The following PADI4 variants were observed in gnomAD, a reference collection of about 807,000 sequenced individuals.
PADI4 encodes peptidyl arginine deiminase 4, also known as protein-arginine deiminase type-4.
PADI4 carries 62 observed loss-of-function variants against 75.0 expected under a neutral mutation model. That is an observed-to-expected ratio of 0.83 (90% CI 0.67 to 1.02). The LOEUF (loss-of-function observed/expected upper bound fraction) is 1.02, where lower values mean the gene tolerates loss of function less well. Among genes scored for constraint, PADI4 ranks in the 50% least tolerant of loss-of-function variants. PADI4 has a pLI of 0.00. For synonymous variants in PADI4, 361 were observed against 348.1 expected, an observed-to-expected ratio of 1.04 and a Z score of -0.41; for missense variants, 845 against 850.5, an observed-to-expected ratio of 0.99 and a Z score of 0.08.
chr1:17,352,038 GGA>G (rs2074654498), intron 10 of PADI4, among the ~76,000 whole-genome samples: 8 of 54,758 alleles, frequency 1.5e-4, no homozygotes, highest in African/African-American at 2.9e-4. Context: ...GGTGATGGGA[GGA>G]GAGGCAGTCA....
At position 17,363,853 on chromosome 1, in the gene PADI4, G is replaced by C. The variant is rs1322062068; in HGVS notation, c.*98G>C. ...CTCTTGTGAATATTGTGGCTCCCTG[G>C]GGGCGGCCAGCCCTCCCAGCAGTGG... On this transcript the variant is annotated 3_prime_UTR_variant, in exon 16 of 16. Transcript: ENST00000375448. 8.7e-6 allele frequency: 7 copies of C among 800,832 alleles called. No homozygotes were observed. In the East Asian group the frequency reaches 1.3e-4, roughly 15 times the overall value. 49.6% of individuals were successfully genotyped at this position (800,832 alleles called of 1,614,324 possible). A position where few individuals can be genotyped will look rare whatever the true frequency, so the allele number is the denominator to read the frequency against.
At chr1:17,325,590 GT>G (rs1220069234) in intron 1 of PADI4, among the ~76,000 whole-genome samples, 2 of 151,934 alleles carry the variant, frequency 1.3e-5, no homozygotes, top group Middle Eastern at 6.8e-3. Context: ...AATATTGGCA[GT>G]TTTTTTCTTA....
chr1:17,318,510 A>T (rs1310192130), intron 1 of PADI4, among the ~76,000 whole-genome samples: 2 of 152,196 alleles, frequency 1.3e-5, no homozygotes, highest in African/African-American at 4.8e-5. Context: ...ACTGAGGATG[A>T]CAGAAATTCT....
intron 1 of PADI4, among the ~76,000 whole-genome samples, chr1:17,315,916 AC>A (rs1417500758): frequency 1.3e-5 from 2 of 151,760 alleles, no homozygotes; most frequent in African/African-American, 4.9e-5. Flanking sequence ...CCAGGGCTAC[AC>A]CTGTCACTTG....
intron 13 of PADI4, among the ~76,000 whole-genome samples, chr1:17,358,162 C>T (rs1198169653): frequency 1.3e-5 from 2 of 151,602 alleles, no homozygotes; most frequent in East Asian, 1.9e-4. Context: ...GCAGGAGAAT[C>T]GCTTGAACTC....
chr1:17,336,028 G>A (rs2074302489), intron 3 of PADI4, 131 bp from the exon 4 acceptor site: 2 of 654,170 alleles, frequency 3.1e-6, no homozygotes, highest in Admixed American at 2.4e-5. Context: ...CTCCTCTGAA[G>A]GACGGGAAGA....
intron 1 of PADI4, among the ~76,000 whole-genome samples, chr1:17,329,347 T>C (rs370112118): frequency 1.5e-4 from 22 of 150,748 alleles, no homozygotes; most frequent in African/African-American, 5.1e-4. Context: ...AAATAGTAAA[T>C]CTTGTATAAC....
intron 8 of PADI4, among the ~76,000 whole-genome samples, chr1:17,343,214 AAATT>A (rs2074455033): frequency 6.6e-6 from 1 of 151,888 alleles, no homozygotes; most frequent in South Asian, 2.1e-4. Flanking sequence ...TAAAAATTAA[AAATT>A]AAATTAAATT....
At position 17,341,958 on chromosome 1, in the gene PADI4, C is replaced by T; in HGVS notation, c.668C>T (p.Ser223Phe). The T allele has an allele frequency of 6.2e-7, 1 of 1,613,774 alleles. No individual in the cohort carries two copies. The highest frequency in any genetic ancestry group is 8.5e-7 in the Non-Finnish European group (1 of 1,179,798). The change falls in exon 7 of 16, where the codon TCC (serine) becomes TTC (phenylalanine). Residue 223 changes from serine to phenylalanine, a missense_variant. Ser to Phe is a radical substitution (Grantham distance 155). Transcript: ENST00000375448. ...VFQATRGKLS[S>F]KCSVVLGPKW... ...TCTCTCCTAGGGGGCAAACTGTCCT[C>T]CAAGTGCAGCGTAGTCTTGGGTCCC...
At position 17,356,727 on chromosome 1, in the gene PADI4, G is replaced by C. The variant is rs942211811; in HGVS notation, c.1558+268G>C. The stretch of plus-strand genomic sequence containing the variant: ...TCTGAGTGGATGGAGCTCAGGGAAG[G>C]CTTCTTGGAGGAGGCAGAGGCCAAG... On this transcript the variant is annotated intron_variant, in intron 13 of 15. Transcript: ENST00000375448. This position sits in a 1 kb window ranked among gnomAD's most constrained non-coding sequence, Gnocchi z 4.1. 6.6e-6 allele frequency among the ~76,000 whole-genome samples: 1 copy of C among 152,090 alleles called. No homozygotes were observed. The highest frequency in any genetic ancestry group is 6.5e-5 in the Admixed American group (1 of 15,274).
intron 6 of PADI4, 76 bp downstream of exon 6, chr1:17,339,889 A>T (rs887997710): frequency 6.8e-7 from 1 of 1,469,170 alleles, no homozygotes; most frequent in African/African-American, 1.4e-5. Context: ...TGTGTGGCAG[A>T]TAAATCCTGA....
At chr1:17,315,401 C>T (rs1239122550) in intron 1 of PADI4, among the ~76,000 whole-genome samples, 1 of 152,166 alleles carries the variant, frequency 6.6e-6, no homozygotes, top group African/African-American at 2.4e-5. Context: ...CTCTTTGCAT[C>T]CCCTATAATG....
chr1:17,351,951 GTGGGAGGAGAGGCGGC>G lies in PADI4; in HGVS notation c.1156-2581_1156-2566del, dbSNP rs1557575965. Among the ~76,000 whole-genome samples, 235 of 130,744 alleles carry G rather than the reference GTGGGAGGAGAGGCGGC, an allele frequency of 1.8e-3. 5 individuals carry two copies. The highest frequency in any genetic ancestry group is 6.4e-3 in the African/African-American group (215 of 33,728). The allele number at this position is 130,744 out of a possible 152,430, so 85.8% of individuals were successfully genotyped here. Reference sequence around the variant, plus strand: ...GAGGCGGTCAGGGAGGTGATGGGAGGTGGGAGGAGAGGCGGCCAGGGAGGTGATGGGAGGAGAGGCA... The same window carrying G: ...GAGGCGGTCAGGGAGGTGATGGGAGGCAGGGAGGTGATGGGAGGAGAGGCA... On this transcript the variant is annotated intron_variant, in intron 10 of 15. Coordinates refer to ENST00000375448, the MANE Select transcript of PADI4 (RefSeq NM_012387.3).
chr1:17,324,113 T>C (rs2074078861), intron 1 of PADI4, among the ~76,000 whole-genome samples: 2 of 150,754 alleles, frequency 1.3e-5, no homozygotes, highest in Admixed American at 1.3e-4. Flanking sequence ...GTCAAATTGC[T>C]GGGTTTGGGG....
At chr1:17,348,193 G>T in intron 10 of PADI4, 145 bp downstream of exon 10, 1 of 542,618 alleles carries the variant, frequency 1.8e-6, no homozygotes, top group East Asian at 3.0e-5. Context: ...GTGGGAGCAT[G>T]TAGGTGGGGC....
intron 10 of PADI4, among the ~76,000 whole-genome samples, chr1:17,349,731 A>AAAG (rs2074587666): frequency 2.4e-5 from 2 of 82,610 alleles, no homozygotes; most frequent in Non-Finnish European, 6.1e-5. Flanking sequence ...AGAAAAAGAA[A>AAAG]AAACAACAAC....
chr1:17,329,173 T>G (rs1957881), intron 1 of PADI4, among the ~76,000 whole-genome samples: 8 of 150,886 alleles, frequency 5.3e-5, no homozygotes, highest in Middle Eastern at 3.5e-3. Flanking sequence ...AATAACATTG[T>G]GGATAGGACT....
rs35381732 is a variant in PADI4, at chr1:17,308,245, G to A, written c.23G>A (p.Arg8His). The change falls in exon 1 of 16, where the codon CGT becomes CAT. Residue 8 changes from arginine (R) to histidine (H), a missense_variant. Arg to His is a conservative substitution (Grantham distance 29). Coordinates refer to ENST00000375448, the MANE Select transcript of PADI4 (RefSeq NM_012387.3). ...ACGATGGCCCAGGGGACATTGATCC[G>A]TGTGACCCCAGAGCAGCCCACCCAT... is the stretch of plus-strand genomic sequence containing the variant. MAQGTLI[R>H]VTPEQPTHAV... The A allele has an allele frequency of 4.0e-3, 6,493 of 1,614,030 alleles. 208 individuals are homozygous for A. The African/African-American group carries it at 0.072, about 18-fold the overall frequency.
intron 1 of PADI4, among the ~76,000 whole-genome samples, chr1:17,324,235 T>C (rs1302905826): frequency 6.6e-6 from 1 of 151,608 alleles, no homozygotes; most frequent in Non-Finnish European, 1.5e-5. Context: ...GTGTCATTTA[T>C]AGTGTTATTT....
Sources: gnomAD v4.1 joint callset for allele counts (sites outside exome capture counted in the v4.1 genomes callset) on GRCh38, gnomAD v4.1.1 for gene constraint, Gnocchi (gnomAD v3.1) non-coding constraint, MANE v1.5 for transcripts, NCBI Gene and HGNC (gene_info 2026-07-23, HGNC 2026-07-21) for gene names.